CTSF: variants seen among roughly 807,000 people sequenced by gnomAD.
The protein encoded by CTSF is cathepsin F.
Under a neutral mutation model 63.5 loss-of-function variants are expected in CTSF, and 65 were observed. The ratio of observed to expected loss-of-function variants is 1.02; its 90% CI spans 0.84 to 1.26. The LOEUF (loss-of-function observed/expected upper bound fraction) is 1.26, where lower values mean the gene tolerates loss of function less well. CTSF is among the 50% of genes most tolerant of loss of function. The probability of loss-of-function intolerance (pLI) is 0.00; values close to 1 mark genes in which losing one functional copy is unlikely to be tolerated. For synonymous variants in CTSF, 256 were observed against 258.1 expected (o/e 0.99, Z 0.08); for missense variants, 641 against 631.0 (o/e 1.02, Z -0.17).
At chr11:66,566,244 G>C (rs769707236) in intron 5 of CTSF, 47 bp downstream of exon 5, 1 of 1,613,846 alleles carries the variant, frequency 6.2e-7, no homozygotes, top group South Asian at 1.1e-5. Flanking sequence ...TGCGAGCAAG[G>C]TCCTGTCTCT....
chr11:66,568,378 G>T lies in CTSF; in HGVS notation c.109C>A (p.Pro37Thr). 2.3e-6 allele frequency: 3 copies of T among 1,306,396 alleles called. No homozygotes were observed. The highest frequency in any genetic ancestry group is 2.9e-6 in the Non-Finnish European group (3 of 1,035,946). The allele number at this position is 1,306,396 out of a possible 1,614,324, so 80.9% of individuals were successfully genotyped here. A position where few individuals can be genotyped will look rare whatever the true frequency, so the allele number is the denominator to read the frequency against. Residue 37 changes from proline (P) to threonine (T), a missense_variant, in exon 1 of 13, where the codon CCG becomes ACG. Transcript: ENST00000310325. ...AAGCGGGTGGGCGCCAGCAGCTCCGGGGACGGCGGCCCCCAGGCCTGAAAG... is the reference window on the plus strand; with the variant it reads ...AAGCGGGTGGGCGCCAGCAGCTCCGTGGACGGCGGCCCCCAGGCCTGAAAG... The part of the protein sequence containing the change: ...ASFQAWGPPS[P>T]ELLAPTRFAL...
rs750756497 is a variant in CTSF, at chr11:66,564,989, C to T, written c.1063G>A (p.Asp355Asn). 1.9e-6 allele frequency: 3 copies of T among 1,573,178 alleles called. No homozygotes were observed. The highest frequency in any genetic ancestry group is 2.6e-6 in the Non-Finnish European group (3 of 1,155,710). Residue 355 changes from aspartate (D) to asparagine (N), a missense_variant, in exon 9 of 13, where the codon GAT (aspartate) becomes AAT (asparagine). By Grantham distance (23) the Asp-to-Asn change is conservative (BLOSUM62 1). Transcript: ENST00000310325. Reference sequence around the variant, plus strand: ...ATGTGACCCTGGTAGCTGTAGTCATCCTCTGTCTCCAGCCCTCCTGGGGAA... The same window carrying T: ...ATGTGACCCTGGTAGCTGTAGTCATTCTCTGTCTCCAGCCCTCCTGGGGAA... ...IKNLGGLETE[D>N]DYSYQGHMQS...
Position 66,564,538 on chromosome 11 carries a change from G to A in CTSF, c.1321+20C>T. 1 of 1,532,112 alleles carries A rather than the reference G, an allele frequency of 6.5e-7. No individual in the cohort carries two copies. The highest frequency in any genetic ancestry group is 1.2e-5 in the South Asian group (1 of 81,594). 94.9% of individuals were successfully genotyped at this position (1,532,112 alleles called of 1,614,324 possible). ...CCTGCCTGTGGCCTGGCTGGATGCA[G>A]GACAGGCAGCGGAACTCACGGTTGC... On this transcript the variant is annotated intron_variant, in intron 11 of 12. Transcript: ENST00000310325.
chr11:66,567,718 G>C, intron 2 of CTSF, 56 bp from the exon 3 acceptor site: 3 of 1,572,232 alleles, frequency 1.9e-6, no homozygotes, highest in Non-Finnish European at 2.6e-6. Context: ...TGGGGAGCAA[G>C]ATCTGGCCAA....
In CTSF at chr11:66,567,585, C is replaced by T. The variant is rs778093764; in HGVS notation, c.390G>A (p.Lys130=). 6.8e-6 allele frequency: 11 copies of T among 1,614,104 alleles called. No individual in the cohort carries two copies. The African/African-American group carries it at 1.2e-4, about 18-fold the overall frequency. ...ACTTGGGCTCCCCAGCACCTGGAAC[C>T]TTGGTGTCCACTGGGCCACAGTCCT... The part of the protein sequence containing the change: ...LRKDCGPVDT[K]VPGAGEPKSA... Residue 130 remains lysine, a synonymous_variant, in exon 3 of 13, where the codon AAG becomes AAA. Coordinates refer to ENST00000310325, the MANE Select transcript of CTSF (RefSeq NM_003793.4).
In CTSF at chr11:66,567,617, G is replaced by C. The variant is rs973960550; in HGVS notation, c.358C>G (p.Leu120Val). ...VLDELGRHVLLRKDCGPVDTK... is the reference protein window; with the variant it reads ...VLDELGRHVLVRKDCGPVDTK... The stretch of plus-strand genomic sequence containing the variant: ...TCCACTGGGCCACAGTCCTTCCGCA[G>C]CAGCACGTGTCTTCCGAGCTCATCC... The change falls in exon 3 of 13, where the codon CTG becomes GTG. Residue 120 changes from leucine (L) to valine (V), a missense_variant. Coordinates refer to ENST00000310325, the MANE Select transcript of CTSF (RefSeq NM_003793.4). 8.1e-6 allele frequency: 13 copies of C among 1,614,096 alleles called. No individual in the cohort carries two copies. The highest frequency in any genetic ancestry group is 1.0e-5 in the Non-Finnish European group (12 of 1,180,058).
rs78314043 is a variant in CTSF at position 66,566,465 on chromosome 11, T to C, written c.608-61A>G. The stretch of plus-strand genomic sequence containing the variant: ...CCCAGGCAGATAAAAGGAAGGGCAA[T>C]TGGGGCTAGCAGGCAGGGGTTTCCC... On this transcript the variant is annotated intron_variant, in intron 4 of 12. Coordinates refer to ENST00000310325, the MANE Select transcript of CTSF (RefSeq NM_003793.4). The C allele has an allele frequency of 1.0e-3, 1,569 of 1,515,856 alleles. 11 individuals are homozygous for C. The African/African-American group carries it at 0.018, about 17-fold the overall frequency. The allele number at this position is 1,515,856 out of a possible 1,614,324, so 93.9% of individuals were successfully genotyped here. A position where few individuals can be genotyped will look rare whatever the true frequency, so the allele number is the denominator to read the frequency against.
At chr11:66,567,787 T>G in intron 2 of CTSF, 125 bp from the exon 3 acceptor site, 1 of 1,427,738 alleles carries the variant, frequency 7.0e-7, no homozygotes, top group Non-Finnish European at 9.3e-7. Context: ...CCCATCACAG[T>G]GGACAGTGAG....
chr11:66,563,903 A>G lies in CTSF; in HGVS notation c.*30T>C, dbSNP rs771407732. 1 of 1,611,110 alleles carries G rather than the reference A, an allele frequency of 6.2e-7. No homozygotes were observed. Among genetic ancestry groups the G allele is most frequent in the Non-Finnish European group, 8.5e-7 (1 of 1,179,762 alleles). Reference sequence around the variant, plus strand: ...GGCTGGGGCAGCAGCCACTCTGATCAGCACCAGGTCCCGAGCTGGGGGCCC... The same window carrying G: ...GGCTGGGGCAGCAGCCACTCTGATCGGCACCAGGTCCCGAGCTGGGGGCCC... On this transcript the variant is annotated 3_prime_UTR_variant, in exon 13 of 13. Coordinates refer to ENST00000310325, the MANE Select transcript of CTSF (RefSeq NM_003793.4).
At position 66,563,816 on chromosome 11, in the gene CTSF, G is replaced by T; in HGVS notation, c.*117C>A. ...GCCCAGTGCCCTCTGCTCACCCTGAGGTACCCAGTGCCTTTCCCTCTGCCA... is the reference window on the plus strand; with the variant it reads ...GCCCAGTGCCCTCTGCTCACCCTGATGTACCCAGTGCCTTTCCCTCTGCCA... On this transcript the variant is annotated 3_prime_UTR_variant, in exon 13 of 13. Coordinates refer to ENST00000310325, the MANE Select transcript of CTSF (RefSeq NM_003793.4). 7.7e-7 allele frequency: 1 copy of T among 1,291,598 alleles called. No individual in the cohort carries two copies. The highest frequency in any genetic ancestry group is 1.1e-6 in the Non-Finnish European group (1 of 926,608). The allele number at this position is 1,291,598 out of a possible 1,614,324, so 80.0% of individuals were successfully genotyped here. A position where few individuals can be genotyped will look rare whatever the true frequency, so the allele number is the denominator to read the frequency against.
At chr11:66,567,137 T>G in intron 4 of CTSF, 109 bp downstream of exon 4, 1 of 1,165,738 alleles carries the variant, frequency 8.6e-7, no homozygotes. Context: ...ATGGGGTCCT[T>G]GAACAGGTAC....
rs925630930 is a variant in CTSF, at chr11:66,563,778, G to T, written c.*155C>A. 9 of 856,010 alleles carry T rather than the reference G, an allele frequency of 1.1e-5. No homozygotes were observed. The African/African-American group carries it at 1.5e-4, about 15-fold the overall frequency. 53.0% of individuals were successfully genotyped at this position (856,010 alleles called of 1,614,324 possible). A position where few individuals can be genotyped will look rare whatever the true frequency, so the allele number is the denominator to read the frequency against. The stretch of plus-strand genomic sequence containing the variant: ...GTGGGAATGGGGTGCAGGGAAGCAG[G>T]GGCTGTGCCCCAGCCCAGTGCCCTC... On this transcript the variant is annotated 3_prime_UTR_variant, in exon 13 of 13. Coordinates refer to ENST00000310325, the MANE Select transcript of CTSF (RefSeq NM_003793.4).
chr11:66,568,414 G>A lies in CTSF; in HGVS notation c.73C>T (p.Arg25Ter). 1 of 1,334,748 alleles carries A rather than the reference G, an allele frequency of 7.5e-7. No homozygotes were observed. The highest frequency in any genetic ancestry group is 2.0e-5 in the South Asian group (1 of 49,092). The allele number at this position is 1,334,748 out of a possible 1,614,324, so 82.7% of individuals were successfully genotyped here. The change falls in exon 1 of 13, where the codon CGA (arginine) becomes TGA (stop). Residue 25 changes from arginine to a stop codon, truncating the protein, a stop_gained. Coordinates refer to ENST00000310325, the MANE Select transcript of CTSF (RefSeq NM_003793.4). LOFTEE classifies it high-confidence loss of function. Reference protein sequence around the residue: ...PGAVAAPAQPRAASFQAWGPP... With the variant: ...PGAVAAPAQP ...CCCCAGGCCTGAAAGCTGGCGGCTC[G>A]GGGCTGGGCGGGGGCGGCCACTGCG... is the stretch of plus-strand genomic sequence containing the variant.
rs759960583 is a variant in CTSF, at chr11:66,564,728, G to A, written c.1230+14C>T. 13 of 1,613,752 alleles carry A rather than the reference G, an allele frequency of 8.1e-6. No homozygotes were observed. In the Admixed American group the frequency reaches 2.0e-4, roughly 25 times the overall value. ...ACAAGAGATGGGGCAGGGGCAGTGGGGCTAGGGCCTCACCTGCATGCCAAA... is the reference window on the plus strand; with the variant it reads ...ACAAGAGATGGGGCAGGGGCAGTGGAGCTAGGGCCTCACCTGCATGCCAAA... On this transcript the variant is annotated intron_variant, in intron 10 of 12. Coordinates refer to ENST00000310325, the MANE Select transcript of CTSF (RefSeq NM_003793.4).
rs780681439 is a variant in CTSF at position 66,565,635 on chromosome 11, G to C, written c.1045+36C>G. ...GTAACTTCTTGTACAGGGAGAAGTGGCTCCGGTTGCCCCTCCTGACCCCAT... is the reference window on the plus strand; with the variant it reads ...GTAACTTCTTGTACAGGGAGAAGTGCCTCCGGTTGCCCCTCCTGACCCCAT... On this transcript the variant is annotated intron_variant, in intron 8 of 12. Transcript: ENST00000310325. 6.8e-6 allele frequency: 11 copies of C among 1,611,164 alleles called. No homozygotes were observed. The African/African-American group carries it at 1.3e-4, about 20-fold the overall frequency.
intron 11 of CTSF, 153 bp downstream of exon 11, chr11:66,564,405 G>T: frequency 1.2e-6 from 1 of 806,232 alleles, no homozygotes; most frequent in South Asian, 1.8e-5. Flanking sequence ...GCCATAGAGA[G>T]GACAGATGAT....
Position 66,568,446 on chromosome 11 carries a change from AGC to A in CTSF, c.39_40del (p.Leu14ProfsTer99). On this transcript the variant is annotated frameshift_variant, in exon 1 of 13. Transcript: ENST00000310325. LOFTEE classifies it high-confidence loss of function. ...GGCGGGGGCGGCCACTGCGCCCGGG[AGC>A]AGCCCCAGCAGCGACAGGAGCTGCA... is the stretch of plus-strand genomic sequence containing the variant. 1 of 1,399,244 alleles carries A rather than the reference AGC, an allele frequency of 7.1e-7. No homozygotes were observed. Among genetic ancestry groups the A allele is most frequent in the Non-Finnish European group, 9.2e-7 (1 of 1,086,404 alleles). The allele number at this position is 1,399,244 out of a possible 1,614,324, so 86.7% of individuals were successfully genotyped here.
Position 66,568,362 on chromosome 11 carries a change from G to T in CTSF, c.125C>A (p.Pro42His). 7.7e-7 allele frequency: 1 copy of T among 1,303,416 alleles called. No individual in the cohort carries two copies. The highest frequency in any genetic ancestry group is 3.1e-5 in the East Asian group (1 of 31,776). 80.7% of individuals were successfully genotyped at this position (1,303,416 alleles called of 1,614,324 possible). A position where few individuals can be genotyped will look rare whatever the true frequency, so the allele number is the denominator to read the frequency against. ...GAACATCTCCAGCGCGAAGCGGGTG[G>T]GCGCCAGCAGCTCCGGGGACGGCGG... Reference protein sequence around the residue: ...WGPPSPELLAPTRFALEMFNR... With the variant: ...WGPPSPELLAHTRFALEMFNR... Residue 42 changes from proline to histidine, a missense_variant, in exon 1 of 13, where the codon CCC becomes CAC. Pro to His is a moderately conservative substitution (Grantham distance 77). Coordinates refer to ENST00000310325, the MANE Select transcript of CTSF (RefSeq NM_003793.4).
chr11:66,568,540 G>GGTCCTCTT lies in CTSF; in HGVS notation c.-55_-54insAAGAGGAC. The GGTCCTCTT allele has an allele frequency of 6.8e-7, 1 of 1,465,818 alleles. No individual in the cohort carries two copies. 90.8% of individuals were successfully genotyped at this position (1,465,818 alleles called of 1,614,324 possible). On this transcript the variant is annotated 5_prime_UTR_variant, in exon 1 of 13. Transcript: ENST00000310325. ...CAACAGACGCTCCACCGACCCACCG[G>GGTCCTCTT]GTACCGAGCCCGCGGCCAGCGGGGC...
Sources: gnomAD v4.1 joint callset for allele counts on GRCh38, gnomAD v4.1.1 for gene constraint, MANE v1.5 for transcripts, NCBI Gene and HGNC (gene_info 2026-07-23, HGNC 2026-07-21) for gene names.